The following ADGRB3 variants were observed in gnomAD, a reference collection of about 807,000 sequenced individuals.
The protein encoded by ADGRB3 is brain-specific angiogenesis inhibitor 3.
A neutral mutation model predicts 193.4 loss-of-function variants in ADGRB3; 37 were observed. The ratio of observed to expected loss-of-function variants is 0.19; its 90% CI spans 0.15 to 0.25. The LOEUF (loss-of-function observed/expected upper bound fraction) is 0.25. Among genes scored for constraint, ADGRB3 ranks in the 10% least tolerant of loss-of-function variants. The pLI is 1.00. For missense variants in ADGRB3, 1,637 were observed against 1,852.9 expected, an observed-to-expected ratio of 0.88 and a Z score of 2.14; for synonymous variants, 690 against 644.2, an observed-to-expected ratio of 1.07 and a Z score of -1.08.
intron 13 of ADGRB3, among the ~76,000 whole-genome samples, chr6:69,039,742 C>CTTTTTTTTTTTTTTT (rs34543678): frequency 7.7e-6 from 1 of 130,238 alleles, no homozygotes; most frequent in African/African-American, 2.9e-5. Flanking sequence ...TTGTTTTTTT[C>CTTTTTTTTTTTTTTT]TTTTTTTTTT....
chr6:69,387,880 A>G (rs1054962355), intron 31 of ADGRB3, among the ~76,000 whole-genome samples: 4 of 152,118 alleles, frequency 2.6e-5, no homozygotes, highest in African/African-American at 9.7e-5. Context: ...ACACTCGACA[A>G]CTATAATATT....
At chr6:68,969,425 C>G (rs771376662) in intron 8 of ADGRB3, among the ~76,000 whole-genome samples, 1 of 151,994 alleles carries the variant, frequency 6.6e-6, no homozygotes, top group Non-Finnish European at 1.5e-5. Flanking sequence ...AAATATGAGC[C>G]GTGATGGGAA....
At chr6:69,248,607 A>G (rs1014577888) in intron 20 of ADGRB3, among the ~76,000 whole-genome samples, 13 of 152,250 alleles carry the variant, frequency 8.5e-5, no homozygotes, top group African/African-American at 2.7e-4. Context: ...AAAGGGCCAT[A>G]TAGTAAATAC....
intron 11 of ADGRB3, among the ~76,000 whole-genome samples, chr6:69,005,829 T>C (rs539181431): frequency 8.2e-4 from 125 of 152,280 alleles, no homozygotes; most frequent in Admixed American, 1.6e-3. Flanking sequence ...CTTCCAGTTT[T>C]CCAGTGGCTC....
intron 17 of ADGRB3, among the ~76,000 whole-genome samples, chr6:69,100,873 G>A: frequency 1.1e-4 from 1 of 9,482 alleles, no homozygotes; most frequent in African/African-American, 2.7e-4. Context: ...AAGGAAGGAA[G>A]AAGGAAGGGA....
chr6:69,214,729 G>C (rs904308507), intron 17 of ADGRB3, among the ~76,000 whole-genome samples: 2 of 151,720 alleles, frequency 1.3e-5, no homozygotes, highest in Non-Finnish European at 2.9e-5. Context: ...CTCAGTTTCT[G>C]TCAGGTTGGT....
intron 17 of ADGRB3, among the ~76,000 whole-genome samples, chr6:69,099,992 T>C (rs1429817765): frequency 6.6e-6 from 1 of 152,228 alleles, no homozygotes; most frequent in African/African-American, 2.4e-5. Flanking sequence ...ATTCCAAATG[T>C]TGAAAATAGT....
rs950864573 is a variant in ADGRB3, at chr6:68,657,813, G to A, written c.757+18381G>A. Among the ~76,000 whole-genome samples the A allele has an allele frequency of 2.0e-5, 3 of 151,362 alleles. No homozygotes were observed. The East Asian group carries it at 5.8e-4, about 29-fold the overall frequency. ...TCTTTGCTTAATTCAGGTAATATCAGCCTAATATATCTATTTTGATTAATT... is the reference window on the plus strand; with the variant it reads ...TCTTTGCTTAATTCAGGTAATATCAACCTAATATATCTATTTTGATTAATT... On this transcript the variant is annotated intron_variant, in intron 3 of 31. Transcript: ENST00000370598.
At chr6:68,829,633 A>T (rs1054335635) in intron 3 of ADGRB3, among the ~76,000 whole-genome samples, 4 of 152,204 alleles carry the variant, frequency 2.6e-5, no homozygotes, top group African/African-American at 9.6e-5. Context: ...CCATATTATT[A>T]CTCAAGGTCC....
At position 69,055,154 on chromosome 6, in the gene ADGRB3, TA is replaced by T. The variant is rs1195772812; in HGVS notation, c.2333+5815del. Among the ~76,000 whole-genome samples, 7 of 152,284 alleles carry T rather than the reference TA, an allele frequency of 4.6e-5. No homozygotes were observed. The East Asian group carries it at 9.6e-4, about 21-fold the overall frequency. ...AACTGCATTACATTTTTTATTGTGTTAAAAAAACATAAAATTTACCATAATA... is the reference window on the plus strand; with the variant it reads ...AACTGCATTACATTTTTTATTGTGTTAAAAAACATAAAATTTACCATAATA... On this transcript the variant is annotated intron_variant, in intron 15 of 31. Coordinates refer to ENST00000370598, the MANE Select transcript of ADGRB3 (RefSeq NM_001704.3).
chr6:69,198,580 G>A (rs890523499), intron 17 of ADGRB3, among the ~76,000 whole-genome samples: 1 of 151,968 alleles, frequency 6.6e-6, no homozygotes, highest in South Asian at 2.1e-4. Flanking sequence ...TATGACAAAG[G>A]TAGCAGCAAC....
intron 3 of ADGRB3, among the ~76,000 whole-genome samples, chr6:68,890,280 T>G (rs1374973179): frequency 6.6e-6 from 1 of 152,186 alleles, no homozygotes; most frequent in Non-Finnish European, 1.5e-5. Context: ...CTTGAGAATT[T>G]TACTCATGAT....
At chr6:69,233,507 A>G in intron 18 of ADGRB3, 91 bp downstream of exon 18, 1 of 1,506,188 alleles carries the variant, frequency 6.6e-7, no homozygotes, top group Admixed American at 2.0e-5. Flanking sequence ...AAATGGGGAA[A>G]TGGAAAATGT....
chr6:69,026,132 C>G (rs935672999), intron 13 of ADGRB3, among the ~76,000 whole-genome samples: 1 of 152,178 alleles, frequency 6.6e-6, no homozygotes, highest in African/African-American at 2.4e-5. Context: ...ACCTCTTGCT[C>G]TCATGGAATT....
At chr6:69,051,755 T>TCA (rs1311681818) in intron 15 of ADGRB3, among the ~76,000 whole-genome samples, 1 of 152,212 alleles carries the variant, frequency 6.6e-6, no homozygotes, top group African/African-American at 2.4e-5. Context: ...GGGTGATTCT[T>TCA]TTTTCTACAG....
chr6:69,340,227 A>T (rs1768946648), intron 26 of ADGRB3, among the ~76,000 whole-genome samples: 1 of 152,202 alleles, frequency 6.6e-6, no homozygotes, highest in African/African-American at 2.4e-5. Context: ...ACTAACTAGC[A>T]CCAGATCCAT....
intron 17 of ADGRB3, among the ~76,000 whole-genome samples, chr6:69,195,522 C>CAAAAAAA (rs542731165): frequency 1.5e-5 from 1 of 65,118 alleles, no homozygotes; most frequent in Non-Finnish European, 3.4e-5. Flanking sequence ...TATCCTGTCT[C>CAAAAAAA]AAAAAAAAAA....
chr6:69,356,400 T>C (rs957969250), intron 28 of ADGRB3, among the ~76,000 whole-genome samples: 1 of 152,116 alleles, frequency 6.6e-6, no homozygotes, highest in Non-Finnish European at 1.5e-5. Flanking sequence ...GCATTCAAGA[T>C]GGAGTCACTG....
chr6:69,251,360 G>A (rs536166432), intron 20 of ADGRB3, among the ~76,000 whole-genome samples: 1 of 148,750 alleles, frequency 6.7e-6, no homozygotes, highest in African/African-American at 2.5e-5. Flanking sequence ...AATCTGTCTA[G>A]GAACCCATTT....
Sources: allele counts gnomAD v4.1 joint callset (sites outside exome capture counted in the v4.1 genomes callset), GRCh38; gene constraint gnomAD v4.1.1; transcripts MANE v1.5; gene names NCBI Gene and HGNC (gene_info 2026-07-23, HGNC 2026-07-21).